Variants in ST6GALNAC5 observed in about 807,000 individuals in gnomAD.
ST6GALNAC5 encodes the protein alpha-N-acetylgalactosaminide alpha-2,6-sialyltransferase 5.
Under a neutral mutation model 33.6 loss-of-function variants are expected in ST6GALNAC5, and 27 were observed. That is an observed-to-expected ratio of 0.80 (90% confidence interval 0.59 to 1.11). The LOEUF is 1.11. Ranked by LOEUF, ST6GALNAC5 falls within the 50% of genes least tolerant of loss-of-function variation. The probability of loss-of-function intolerance (pLI) is 0.00; values close to 1 mark genes in which losing one functional copy is unlikely to be tolerated. For synonymous variants in ST6GALNAC5, 194 were observed against 171.2 expected (o/e 1.13, Z -1.04); for missense variants, 428 against 454.0 (o/e 0.94, Z 0.52).
intron 2 of ST6GALNAC5, among the ~76,000 whole-genome samples, chr1:77,040,590 C>T (rs1651800097): frequency 6.6e-6 from 1 of 152,162 alleles, no homozygotes; most frequent in African/African-American, 2.4e-5. Context: ...GCGCCAGGTC[C>T]TTGGAAGGCC....
chr1:76,905,608 A>C (rs530494538), intron 2 of ST6GALNAC5, among the ~76,000 whole-genome samples: 17 of 152,334 alleles, frequency 1.1e-4, no homozygotes, highest in African/African-American at 4.1e-4. Context: ...TGATTGGGTG[A>C]AGGAGATTTT....
chr1:76,985,055 A>G (rs1295177432), intron 2 of ST6GALNAC5, among the ~76,000 whole-genome samples: 3 of 152,188 alleles, frequency 2.0e-5, no homozygotes, highest in Non-Finnish European at 4.4e-5. Context: ...CACACCCAAT[A>G]TCATAGTGAA....
chr1:76,880,142 G>C (rs761012643), intron 2 of ST6GALNAC5, among the ~76,000 whole-genome samples: 5 of 152,068 alleles, frequency 3.3e-5, no homozygotes, highest in Non-Finnish European at 7.4e-5. Context: ...TATGTTCTTT[G>C]GTTCTCCACA....
intron 2 of ST6GALNAC5, among the ~76,000 whole-genome samples, chr1:76,923,534 A>T (rs1647055346): frequency 6.6e-6 from 1 of 152,072 alleles, no homozygotes; most frequent in Non-Finnish European, 1.5e-5. Flanking sequence ...CTGTACTAAA[A>T]ATACAAAAAT....
intron 2 of ST6GALNAC5, among the ~76,000 whole-genome samples, chr1:76,934,747 A>G (rs1387361761): frequency 1.3e-5 from 2 of 151,994 alleles, no homozygotes; most frequent in East Asian, 3.9e-4. Flanking sequence ...TAACTGACTA[A>G]ATGGGAAGCC....
chr1:76,914,840 T>C (rs1417954944), intron 2 of ST6GALNAC5, among the ~76,000 whole-genome samples: 1 of 152,040 alleles, frequency 6.6e-6, no homozygotes, highest in Non-Finnish European at 1.5e-5. Flanking sequence ...AATTGACAAA[T>C]GGGATCTAAT....
intron 2 of ST6GALNAC5, among the ~76,000 whole-genome samples, chr1:77,023,990 A>G (rs1465784058): frequency 6.6e-6 from 1 of 152,176 alleles, no homozygotes; most frequent in East Asian, 1.9e-4. Flanking sequence ...CACATGAATA[A>G]AAGGGTCACT....
intron 2 of ST6GALNAC5, among the ~76,000 whole-genome samples, chr1:77,008,201 G>T (rs1650500442): frequency 6.6e-6 from 1 of 152,192 alleles, no homozygotes. Flanking sequence ...TAGTTTGCCA[G>T]CTAAAACTCA....
chr1:76,901,121 A>G (rs1646813718), intron 2 of ST6GALNAC5, among the ~76,000 whole-genome samples: 1 of 152,232 alleles, frequency 6.6e-6, no homozygotes, highest in Non-Finnish European at 1.5e-5. Flanking sequence ...ATTAATTCCA[A>G]CATCCTCCTC....
At chr1:76,988,053 G>A (rs1314312802) in intron 2 of ST6GALNAC5, among the ~76,000 whole-genome samples, 1 of 152,046 alleles carries the variant, frequency 6.6e-6, no homozygotes, top group Non-Finnish European at 1.5e-5. Context: ...CTTCTTGGAA[G>A]CCTTTTTCAT....
At chr1:77,000,918 G>C (rs1650131936) in intron 2 of ST6GALNAC5, among the ~76,000 whole-genome samples, 2 of 151,962 alleles carry the variant, frequency 1.3e-5, no homozygotes, top group African/African-American at 4.8e-5. Context: ...TTTGAAGTCA[G>C]GTAGCGTGAT....
intron 4 of ST6GALNAC5, among the ~76,000 whole-genome samples, chr1:77,061,315 C>G (rs1652568235): frequency 6.7e-6 from 1 of 150,218 alleles, no homozygotes; most frequent in African/African-American, 2.4e-5. Flanking sequence ...AGAAACAGCT[C>G]AAAGGTTTAT....
At position 77,066,905 on chromosome 1, in the gene ST6GALNAC5, G is replaced by T. The variant is rs535975351; in HGVS notation, c.*3699G>T. 1.1e-4 allele frequency among the ~76,000 whole-genome samples: 16 copies of T among 152,298 alleles called. No homozygotes were observed. The highest frequency in any genetic ancestry group is 3.8e-4 in the African/African-American group (16 of 41,570). ...CTTCCTTGTAGGTTTTTAAACTAAA[G>T]ATCTATCTGGGAAACAGATTTGGGG... On this transcript the variant is annotated 3_prime_UTR_variant, in exon 5 of 5. Coordinates refer to ENST00000477717, the MANE Select transcript of ST6GALNAC5 (RefSeq NM_030965.3).
chr1:77,060,502 G>T (rs765614660), intron 4 of ST6GALNAC5, among the ~76,000 whole-genome samples: 1 of 152,134 alleles, frequency 6.6e-6, no homozygotes, highest in Non-Finnish European at 1.5e-5. Context: ...CTCACAGCTG[G>T]GGTAGATGTT....
At chr1:76,894,046 A>C (rs1234706115) in intron 2 of ST6GALNAC5, among the ~76,000 whole-genome samples, 1 of 152,178 alleles carries the variant, frequency 6.6e-6, no homozygotes, top group South Asian at 2.1e-4. Flanking sequence ...AATCAGTCCC[A>C]GGTGGTAGGC....
At chr1:76,933,763 C>CAAA (rs35621324) in intron 2 of ST6GALNAC5, among the ~76,000 whole-genome samples, 768 of 67,550 alleles carry the variant, frequency 0.011, 12 homozygotes, top group African/African-American at 0.04. Flanking sequence ...TTTTCTCTGC[C>CAAA]AAAAAAAAAA....
intron 2 of ST6GALNAC5, among the ~76,000 whole-genome samples, chr1:77,016,093 CCTCATGCTCCTGTATCTCCTCCCT>C (rs1252081178): frequency 6.8e-6 from 1 of 146,468 alleles, no homozygotes; most frequent in Non-Finnish European, 1.5e-5. Flanking sequence ...CACTCCTCCC[CCTCATGCTCCTGTATCTCCTCCCT>C]CTCCTCCTCC....
intron 2 of ST6GALNAC5, among the ~76,000 whole-genome samples, chr1:76,957,133 G>A (rs1648033776): frequency 6.6e-6 from 1 of 152,128 alleles, no homozygotes. Context: ...ACCACAGACT[G>A]GGTAACTTAA....
At chr1:76,878,190 A>G (rs189348101) in intron 2 of ST6GALNAC5, among the ~76,000 whole-genome samples, 1 of 152,270 alleles carries the variant, frequency 6.6e-6, no homozygotes, top group African/African-American at 2.4e-5. Context: ...TTGATTTACT[A>G]TATTTCTAGG....
Sources: allele counts gnomAD v4.1 joint callset (sites outside exome capture counted in the v4.1 genomes callset), GRCh38; gene constraint gnomAD v4.1.1; transcripts MANE v1.5; gene names NCBI Gene and HGNC (gene_info 2026-07-23, HGNC 2026-07-21).